The following CRTAM variants were observed in gnomAD, a reference collection of about 807,000 sequenced individuals.
CRTAM encodes cytotoxic and regulatory T-cell molecule.
Under a neutral mutation model 50.0 loss-of-function variants are expected in CRTAM, and 44 were observed. The observed-to-expected ratio is 0.88, with a 90% confidence interval of 0.69 to 1.13. The LOEUF is 1.13. Among genes scored for constraint, CRTAM ranks in the 50% most tolerant of loss-of-function variants. The pLI is 0.00. For synonymous variants in CRTAM, 159 were observed against 169.3 expected, an observed-to-expected ratio of 0.94 and a Z score of 0.47; for missense variants, 448 against 457.5, an observed-to-expected ratio of 0.98 and a Z score of 0.19.
intron 1 of CRTAM, among the ~76,000 whole-genome samples, chr11:122,840,725 AT>A (rs898533098): frequency 6.6e-6 from 1 of 152,070 alleles, no homozygotes; most frequent in African/African-American, 2.4e-5. Flanking sequence ...CTGTCAGCTG[AT>A]TTTAGCAAAT....
At chr11:122,850,347 T>C (rs370832793) in intron 2 of CRTAM, 133 bp downstream of exon 2, 2 of 805,502 alleles carry the variant, frequency 2.5e-6, no homozygotes, top group Non-Finnish European at 3.7e-6. Flanking sequence ...CTGTTACACA[T>C]GAATCACGCC....
At chr11:122,844,450 G>A (rs1399605749) in intron 1 of CRTAM, among the ~76,000 whole-genome samples, 3 of 152,168 alleles carry the variant, frequency 2.0e-5, no homozygotes, top group Non-Finnish European at 4.4e-5. Context: ...GATGAAATTA[G>A]GGCATGTTTC....
At chr11:122,842,988 A>G (rs1427830930) in intron 1 of CRTAM, among the ~76,000 whole-genome samples, 2 of 152,206 alleles carry the variant, frequency 1.3e-5, no homozygotes, top group Non-Finnish European at 2.9e-5. Context: ...AAACTAGGCT[A>G]TTAAGGCAAG....
rs35830458 is a variant in CRTAM, at chr11:122,854,661, C to CAAAAAA, written c.490+584_490+589dup. Among the ~76,000 whole-genome samples, 4 of 127,778 alleles carry CAAAAAA rather than the reference C, an allele frequency of 3.1e-5. No individual in the cohort carries two copies. The East Asian group carries it at 9.0e-4, about 29-fold the overall frequency. The allele number at this position is 127,778 out of a possible 152,430, so 83.8% of individuals were successfully genotyped here. On this transcript the variant is annotated intron_variant, in intron 4 of 9. Coordinates refer to ENST00000227348, the MANE Select transcript of CRTAM (RefSeq NM_019604.4). Reference sequence around the variant, plus strand: ...CTGGGCAACAGGAGCAAAATTCTATCAAAAAAAAAAAAAAGAAGAAGTATA... The same window carrying CAAAAAA: ...CTGGGCAACAGGAGCAAAATTCTATCAAAAAAAAAAAAAAAAAAAAGAAGAAGTATA...
At position 122,872,470 on chromosome 11, in the gene CRTAM, T is replaced by C. The variant is rs1272622060; in HGVS notation, c.*1071T>C. 6.6e-6 allele frequency: 1 copy of C among 152,660 alleles called. No homozygotes were observed. 9.5% of individuals were successfully genotyped at this position (152,660 alleles called of 1,614,324 possible). On this transcript the variant is annotated 3_prime_UTR_variant, in exon 10 of 10. Coordinates refer to ENST00000227348, the MANE Select transcript of CRTAM (RefSeq NM_019604.4). ...GTTTTAATAAAAAGCAGAATAGATG[T>C]TTGTTTTTCTAGTGGTTATACCAAG...
Position 122,855,841 on chromosome 11 carries a change from C to G in CRTAM, c.637C>G (p.Arg213Gly), listed in dbSNP as rs768697478. Residue 213 changes from arginine (R) to glycine (G), a missense_variant, in exon 5 of 10, where the codon CGG (arginine) becomes GGG (glycine). Physicochemically the swap from Arg to Gly is moderately radical, Grantham distance 125 (BLOSUM62 -2). Transcript: ENST00000227348. Reference sequence around the variant, plus strand: ...AGGGAGAAAACTAGTAGCACCCTTCCGGTTTGAAGATTTGGGTAAGAAGAA... The same window carrying G: ...AGGGAGAAAACTAGTAGCACCCTTCGGGTTTGAAGATTTGGGTAAGAAGAA... Reference protein sequence around the residue: ...LQGRKLVAPFRFEDLVTDEET... With the variant: ...LQGRKLVAPFGFEDLVTDEET... 6.2e-7 allele frequency: 1 copy of G among 1,611,960 alleles called. No homozygotes were observed. The highest frequency in any genetic ancestry group is 1.1e-5 in the South Asian group (1 of 90,386).
At chr11:122,861,850 C>G (rs1009108590) in intron 5 of CRTAM, among the ~76,000 whole-genome samples, 2 of 152,012 alleles carry the variant, frequency 1.3e-5, no homozygotes, top group African/African-American at 4.8e-5. Flanking sequence ...CTAGGCTGAC[C>G]CTCTGGAAAC....
chr11:122,862,666 C>T, intron 6 of CRTAM, 122 bp downstream of exon 6: 1 of 639,632 alleles, frequency 1.6e-6, no homozygotes, highest in Non-Finnish European at 2.7e-6. Context: ...CCATACAGGC[C>T]CCTCCAACTG....
Position 122,871,579 on chromosome 11 carries a change from T to C in CRTAM, c.*180T>C. The C allele has an allele frequency of 2.2e-6, 1 of 450,946 alleles. No individual in the cohort carries two copies. 27.9% of individuals were successfully genotyped at this position (450,946 alleles called of 1,614,324 possible). ...GGGCAGCAACATGAGGACCAAACCA[T>C]GCACATAAAGCTTGTAGTTTAAAAA... On this transcript the variant is annotated 3_prime_UTR_variant, in exon 10 of 10. Coordinates refer to ENST00000227348, the MANE Select transcript of CRTAM (RefSeq NM_019604.4).
intron 2 of CRTAM, 95 bp from the exon 3 acceptor site, chr11:122,851,598 A>T (rs1286786788): frequency 2.8e-6 from 3 of 1,085,152 alleles, no homozygotes; most frequent in Non-Finnish European, 4.2e-6. Flanking sequence ...TGCCAAATGT[A>T]GAAAGCGGGG....
chr11:122,851,682 C>T lies in CRTAM; in HGVS notation c.194-11C>T, dbSNP rs1861931447. 8 of 1,613,708 alleles carry T rather than the reference C, an allele frequency of 5.0e-6. No homozygotes were observed. The highest frequency in any genetic ancestry group is 2.2e-5 in the East Asian group (1 of 44,880). ...CTTTCCTCATAACAGCTCTATTTCC[C>T]TCTTGTACAGCTTTAAAAAATTCCA... On this transcript the variant is annotated splice_polypyrimidine_tract_variant and intron_variant, in intron 2 of 9. Coordinates refer to ENST00000227348, the MANE Select transcript of CRTAM (RefSeq NM_019604.4).
At chr11:122,858,289 G>A (rs1424515476) in intron 5 of CRTAM, among the ~76,000 whole-genome samples, 1 of 151,698 alleles carries the variant, frequency 6.6e-6, no homozygotes, top group African/African-American at 2.4e-5. Context: ...CAGTGACACA[G>A]TCTTGGCTCG....
intron 5 of CRTAM, among the ~76,000 whole-genome samples, chr11:122,861,837 A>G (rs1862087640): frequency 6.6e-6 from 1 of 152,146 alleles, no homozygotes; most frequent in Non-Finnish European, 1.5e-5. Context: ...GGTAAAACCT[A>G]TACTAGGCTG....
intron 1 of CRTAM, among the ~76,000 whole-genome samples, chr11:122,848,586 C>T (rs1463804996): frequency 6.6e-6 from 1 of 152,162 alleles, no homozygotes; most frequent in African/African-American, 2.4e-5. Flanking sequence ...CTGCTAGAGG[C>T]TAGATTCAAA....
At chr11:122,859,128 T>C (rs1862040599) in intron 5 of CRTAM, among the ~76,000 whole-genome samples, 1 of 152,206 alleles carries the variant, frequency 6.6e-6, no homozygotes, top group Admixed American at 6.5e-5. Context: ...ATTTTATTTT[T>C]TGAGATGGAG....
chr11:122,861,142 T>C (rs927940914), intron 5 of CRTAM, among the ~76,000 whole-genome samples: 3 of 152,130 alleles, frequency 2.0e-5, no homozygotes, highest in East Asian at 1.9e-4. Flanking sequence ...TTATAGTCTA[T>C]ACTATTATCT....
chr11:122,864,449 T>C (rs754574175), intron 6 of CRTAM, 187 bp from the exon 7 acceptor site: 6 of 542,280 alleles, frequency 1.1e-5, no homozygotes, highest in South Asian at 7.4e-5. Context: ...CTTAAAAAAA[T>C]AAGGCAAAGT....
intron 1 of CRTAM, among the ~76,000 whole-genome samples, chr11:122,840,905 T>G (rs984146209): frequency 1.3e-5 from 2 of 152,102 alleles, no homozygotes; most frequent in Non-Finnish European, 1.5e-5. Flanking sequence ...AAATGAAGCA[T>G]TTTTCAAAAT....
intron 5 of CRTAM, among the ~76,000 whole-genome samples, chr11:122,860,633 G>A (rs12805282): frequency 0.16 from 25,061 of 152,088 alleles, 2,355 homozygotes; most frequent in Middle Eastern, 0.26. Flanking sequence ...AATTCACATA[G>A]TATATACTAT....
Sources: allele counts gnomAD v4.1 joint callset (sites outside exome capture counted in the v4.1 genomes callset), GRCh38; gene constraint gnomAD v4.1.1; transcripts MANE v1.5; gene names NCBI Gene and HGNC (gene_info 2026-07-23, HGNC 2026-07-21).